ERCC2: variants seen among roughly 807,000 people sequenced by gnomAD.
ERCC2 encodes the protein general transcription and DNA repair factor IIH helicase subunit XPD.
In ERCC2, 90 loss-of-function variants were observed where a neutral mutation model predicts 99.4. The ratio of observed to expected loss-of-function variants is 0.91; its 90% CI spans 0.76 to 1.08. ERCC2 has a LOEUF of 1.08. Among genes scored for constraint, ERCC2 ranks in the 50% least tolerant of loss-of-function variants. ERCC2 has a pLI of 0.00. For missense variants in ERCC2, 993 were observed against 1,038.1 expected, an observed-to-expected ratio of 0.96 and a Z score of 0.60; for synonymous variants, 497 against 432.4, an observed-to-expected ratio of 1.15 and a Z score of -1.85.
rs1799730 is a variant in ERCC2, at chr19:45,351,804, C to T, written c.2191-83G>A. 37 of 1,203,448 alleles carry T rather than the reference C, an allele frequency of 3.1e-5. No homozygotes were observed. In the Middle Eastern group the frequency reaches 1.7e-3, roughly 57 times the overall value. 74.5% of individuals were successfully genotyped at this position (1,203,448 alleles called of 1,614,324 possible). On this transcript the variant is annotated intron_variant, in intron 22 of 22. Transcript: ENST00000391945. Reference sequence around the variant, plus strand: ...TGCTGCACTTCCCCAACCACCCCCCCGAATGGCCAGTAGGGACAGGATGTT... The same window carrying T: ...TGCTGCACTTCCCCAACCACCCCCCTGAATGGCCAGTAGGGACAGGATGTT...
chr19:45,352,432 C>T, intron 21 of ERCC2, 74 bp downstream of exon 21: 1 of 1,613,846 alleles, frequency 6.2e-7, no homozygotes, highest in Non-Finnish European at 8.5e-7. Flanking sequence ...CCCACCCCAC[C>T]TGGGAAATGA....
At position 45,364,227 on chromosome 19, in the gene ERCC2, G is replaced by A. The variant is rs3916813; in HGVS notation, c.815+8C>T. ...GCGGGCACCACCGCCAGACGTCCCC[G>A]GCCCCACCTGAGCACCGTCTTCTGC... is the stretch of plus-strand genomic sequence containing the variant. On this transcript the variant is annotated splice_region_variant and intron_variant, in intron 9 of 22. Coordinates refer to ENST00000391945, the MANE Select transcript of ERCC2 (RefSeq NM_000400.4). 4.0e-5 allele frequency: 64 copies of A among 1,613,272 alleles called. 1 individual carries two copies. In the South Asian group the frequency reaches 6.1e-4, roughly 16 times the overall value.
chr19:45,353,596 C>T (rs138968727), intron 17 of ERCC2, among the ~76,000 whole-genome samples: 19 of 152,256 alleles, frequency 1.2e-4, no homozygotes, highest in East Asian at 3.9e-4. Context: ...CCCCTGCCAG[C>T]GATTGGTGGA....
chr19:45,355,823 T>TC, intron 15 of ERCC2, 95 bp from the exon 16 acceptor site: 1 of 1,020,348 alleles, frequency 9.8e-7, no homozygotes, highest in East Asian at 2.5e-5. Flanking sequence ...GCTTTTTTTT[T>TC]TTTTTTTTTT....
chr19:45,354,151 C>T (rs1971931477), intron 17 of ERCC2, among the ~76,000 whole-genome samples: 1 of 152,216 alleles, frequency 6.6e-6, no homozygotes, highest in South Asian at 2.1e-4. Flanking sequence ...TCCTGAGAGC[C>T]CGGCCATGGT....
chr19:45,361,491 AG>A (rs1441771913), intron 12 of ERCC2, 32 bp downstream of exon 12: 1 of 1,434,684 alleles, frequency 7.0e-7, no homozygotes, highest in Non-Finnish European at 9.8e-7. Flanking sequence ...AGCTGCTAGG[AG>A]GCCCAGCAGG....
intron 11 of ERCC2, among the ~76,000 whole-genome samples, chr19:45,363,152 C>T (rs1972283731): frequency 6.6e-6 from 1 of 152,296 alleles, no homozygotes; most frequent in South Asian, 2.1e-4. Flanking sequence ...CCCCTCGTAT[C>T]CCTTGGTCAT....
At position 45,354,703 on chromosome 19, in the gene ERCC2, G is replaced by C. The variant is rs967559959; in HGVS notation, c.1665+27C>G. 6 of 1,612,954 alleles carry C rather than the reference G, an allele frequency of 3.7e-6. No individual in the cohort carries two copies. The African/African-American group carries it at 6.7e-5, about 18-fold the overall frequency. The stretch of plus-strand genomic sequence containing the variant: ...CAGTGCCAGGGACTGAGGAGAGCAG[G>C]TGCAGGGAGGGGGTGGCCAGGCGTA... On this transcript the variant is annotated intron_variant, in intron 17 of 22. Transcript: ENST00000391945.
intron 15 of ERCC2, among the ~76,000 whole-genome samples, chr19:45,357,012 C>G (rs991225690): frequency 6.6e-6 from 1 of 152,326 alleles, no homozygotes; most frequent in South Asian, 2.1e-4. Flanking sequence ...AAGTGGTTTA[C>G]CCCAGTTCTC....
At chr19:45,354,189 G>T (rs1464211231) in intron 17 of ERCC2, among the ~76,000 whole-genome samples, 1 of 152,194 alleles carries the variant, frequency 6.6e-6, no homozygotes, top group Non-Finnish European at 1.5e-5. Flanking sequence ...GTGCAGAGTG[G>T]CCTCCCCTCC....
intron 11 of ERCC2, among the ~76,000 whole-genome samples, chr19:45,362,820 G>C (rs1056466423): frequency 1.3e-5 from 2 of 152,206 alleles, no homozygotes; most frequent in African/African-American, 4.8e-5. Flanking sequence ...GGGCAGCCAG[G>C]GCCTTTGGAG....
At position 45,351,734 on chromosome 19, in the gene ERCC2, GAGGAAA is replaced by G. The variant is rs756575122; in HGVS notation, c.2191-19_2191-14del. ...CCAGCTGATCCTCCTGCAGAGAACA[GAGGAAA>G]GGGAGAGGGGGGCACTGTTGGGCAG... On this transcript the variant is annotated splice_polypyrimidine_tract_variant and intron_variant, in intron 22 of 22. Coordinates refer to ENST00000391945, the MANE Select transcript of ERCC2 (RefSeq NM_000400.4). 3 of 1,613,170 alleles carry G rather than the reference GAGGAAA, an allele frequency of 1.9e-6. No individual in the cohort carries two copies. The highest frequency in any genetic ancestry group is 2.5e-6 in the Non-Finnish European group (3 of 1,179,572).
intron 5 of ERCC2, among the ~76,000 whole-genome samples, chr19:45,368,290 C>T (rs1972496481): frequency 6.6e-6 from 1 of 152,146 alleles, no homozygotes; most frequent in Non-Finnish European, 1.5e-5. Flanking sequence ...TAATTATCCC[C>T]ATTTTACAGA....
rs139370246 is a variant in ERCC2, at chr19:45,357,297, C to T, written c.1452G>A (p.Thr484=). ...TAGGGCAGAGGCAGACCCGTGCCAG[C>T]GTCATGGTGAAGGTTGCCATGGTGA... ...HPVTMATFTM[T]LARVCLCPMI... Residue 484 remains threonine (T), a synonymous_variant, in exon 15 of 23, where the codon ACG becomes ACA. Coordinates refer to ENST00000391945, the MANE Select transcript of ERCC2 (RefSeq NM_000400.4). 5.0e-5 allele frequency: 80 copies of T among 1,613,842 alleles called. No homozygotes were observed. The highest frequency in any genetic ancestry group is 7.7e-5 in the South Asian group (7 of 91,084).
At position 45,352,302 on chromosome 19, in the gene ERCC2, C is replaced by T; in HGVS notation, c.2097G>A (p.Glu699=). ...GGTTGAGGTTGGCATCTGTGAGGTGCTCCTGGATCCAGCGGGGCAGCTTCC... is the reference window on the plus strand; with the variant it reads ...GGTTGAGGTTGGCATCTGTGAGGTGTTCCTGGATCCAGCGGGGCAGCTTCC... ...KRGKLPRWIQ[E]HLTDANLNLT... is the part of the protein sequence containing the mutation. Residue 699 remains glutamate (E), a synonymous_variant, in exon 22 of 23, where the codon GAG becomes GAA. Coordinates refer to ENST00000391945, the MANE Select transcript of ERCC2 (RefSeq NM_000400.4). 6.2e-7 allele frequency: 1 copy of T among 1,614,116 alleles called. No homozygotes were observed. The highest frequency in any genetic ancestry group is 8.5e-7 in the Non-Finnish European group (1 of 1,180,028).
At chr19:45,353,038 G>C in intron 19 of ERCC2, 45 bp downstream of exon 19, 1 of 1,580,964 alleles carries the variant, frequency 6.3e-7, no homozygotes, top group Non-Finnish European at 8.7e-7. Context: ...GTGTTCCAGA[G>C]AGCTCTGGGA....
chr19:45,357,199 A>T (rs1972040784), intron 15 of ERCC2, 71 bp downstream of exon 15: 2 of 1,097,152 alleles, frequency 1.8e-6, no homozygotes, highest in Admixed American at 2.0e-5. Context: ...CAGTGGGGGA[A>T]GCCAAGGAAG....
intron 5 of ERCC2, among the ~76,000 whole-genome samples, chr19:45,366,083 C>T (rs1374084361): frequency 6.6e-6 from 1 of 152,054 alleles, no homozygotes; most frequent in Non-Finnish European, 1.5e-5. Context: ...GCAATCCTCC[C>T]ACCTCAGCCT....
intron 15 of ERCC2, 132 bp downstream of exon 15, chr19:45,357,136 GTC>G: frequency 7.6e-6 from 5 of 655,652 alleles, no homozygotes; most frequent in Non-Finnish European, 1.4e-5. Flanking sequence ...TCAAGCCTAA[GTC>G]TGTCTGAATC....
Sources: gnomAD v4.1 joint callset for allele counts (sites outside exome capture counted in the v4.1 genomes callset) on GRCh38, gnomAD v4.1.1 for gene constraint, MANE v1.5 for transcripts, NCBI Gene and HGNC (gene_info 2026-07-23, HGNC 2026-07-21) for gene names.